Variants in FMN1 observed in about 807,000 individuals in gnomAD.
FMN1 encodes formin 1, also known as formin-1.
In FMN1, 110 loss-of-function variants were observed where a neutral mutation model predicts 132.4. The observed-to-expected ratio is 0.83, with a 90% CI of 0.71 to 0.97. The LOEUF (loss-of-function observed/expected upper bound fraction) is 0.97. Among genes scored for constraint, FMN1 ranks in the 50% least tolerant of loss-of-function variants. The probability of loss-of-function intolerance (pLI) is 0.00; values close to 1 mark genes in which losing one functional copy is unlikely to be tolerated. For synonymous variants in FMN1, 722 were observed against 651.7 expected (o/e 1.11, Z -1.64); for missense variants, 1,792 against 1,705.3 (o/e 1.05, Z -0.90).
chr15:33,021,734 G>C (rs187726139), intron 6 of FMN1, among the ~76,000 whole-genome samples: 31 of 152,250 alleles, frequency 2.0e-4, no homozygotes, highest in South Asian at 6.2e-4. Flanking sequence ...CCAATCCTGG[G>C]ATAACCTGCC....
Position 33,153,894 on chromosome 15 carries a change from G to A in FMN1, c.1021C>T (p.Gln341Ter). The A allele has an allele frequency of 6.5e-7, 1 of 1,536,776 alleles. No individual in the cohort carries two copies. Among genetic ancestry groups the A allele is most frequent in the Non-Finnish European group, 8.7e-7 (1 of 1,147,048 alleles). The change falls in exon 4 of 21, where the codon CAA becomes TAA. Residue 341 changes from glutamine to a stop codon, truncating the protein, a stop_gained. Coordinates refer to ENST00000616417, the MANE Select transcript of FMN1 (RefSeq NM_001277313.2). LOFTEE classifies it high-confidence loss of function. The part of the protein sequence containing the change: ...AKVQDLSSQV[Q>*]RVVKTHSKGK... Reference sequence around the variant, plus strand: ...TTAGAATGCGTTTTAACTACTCTTTGTACCTGGGAGGACAGGTCCTGAACT... The same window carrying A: ...TTAGAATGCGTTTTAACTACTCTTTATACCTGGGAGGACAGGTCCTGAACT...
intron 4 of FMN1, among the ~76,000 whole-genome samples, chr15:33,148,164 C>T (rs1274797428): frequency 6.6e-6 from 1 of 152,184 alleles, no homozygotes; most frequent in Non-Finnish European, 1.5e-5. Flanking sequence ...CATAAACACA[C>T]ATTCTTCTTT....
At chr15:33,111,821 A>AT (rs983923871) in intron 4 of FMN1, among the ~76,000 whole-genome samples, 28 of 152,200 alleles carry the variant, frequency 1.8e-4, no homozygotes, top group Admixed American at 9.2e-4. Flanking sequence ...TTCTGATGGT[A>AT]TGGGGGTTTT....
intron 8 of FMN1, 32 bp from the exon 9 acceptor site, chr15:32,964,289 G>A: frequency 6.7e-7 from 1 of 1,486,548 alleles, no homozygotes; most frequent in Non-Finnish European, 9.1e-7. Context: ...TTAACCATAA[G>A]AACCAAAACA....
In FMN1 at chr15:32,898,909, A is replaced by T; in HGVS notation, c.3655-16T>A. ...TCCCATTATCCTAGGTTTAAAAGAG[A>T]AATGTACATGAAAATCATTCCCATG... is the stretch of plus-strand genomic sequence containing the variant. On this transcript the variant is annotated splice_polypyrimidine_tract_variant and intron_variant, in intron 14 of 20. Coordinates refer to ENST00000616417, the MANE Select transcript of FMN1 (RefSeq NM_001277313.2). 1 of 1,537,060 alleles carries T rather than the reference A, an allele frequency of 6.5e-7. No individual in the cohort carries two copies. Among genetic ancestry groups the T allele is most frequent in the Non-Finnish European group, 9.0e-7 (1 of 1,113,020 alleles).
chr15:32,940,692 C>G (rs966365027), intron 9 of FMN1, among the ~76,000 whole-genome samples: 5 of 151,982 alleles, frequency 3.3e-5, no homozygotes, highest in African/African-American at 1.2e-4. Flanking sequence ...AACAAAAATC[C>G]AGATCTCACT....
chr15:32,804,973 A>G (rs1018646538), intron 17 of FMN1, among the ~76,000 whole-genome samples: 9 of 152,178 alleles, frequency 5.9e-5, no homozygotes, highest in African/African-American at 2.2e-4. Context: ...ATAAATATAC[A>G]TGTGCATATA....
intron 16 of FMN1, among the ~76,000 whole-genome samples, chr15:32,857,397 G>C (rs528380131): frequency 7.0e-4 from 106 of 152,284 alleles, no homozygotes; most frequent in Middle Eastern, 3.4e-3. Flanking sequence ...GATAGGTAAA[G>C]TATTCTGCTT....
At chr15:32,951,319 T>C (rs2061647438) in intron 9 of FMN1, among the ~76,000 whole-genome samples, 1 of 152,174 alleles carries the variant, frequency 6.6e-6, no homozygotes, top group Admixed American at 6.5e-5. Flanking sequence ...ATTTTAAACT[T>C]TTCCTTGCAT....
Position 33,132,390 on chromosome 15 carries a change from C to G in FMN1, c.1867+20658G>C, listed in dbSNP as rs1053813455. Among the ~76,000 whole-genome samples, 6 of 152,158 alleles carry G rather than the reference C, an allele frequency of 3.9e-5. No homozygotes were observed. The East Asian group carries it at 1.2e-3, about 29-fold the overall frequency. On this transcript the variant is annotated intron_variant, in intron 4 of 20. Transcript: ENST00000616417. ...GAATCAGCTAGTCTTTCTCAGAACT[C>G]AGCACGTAGGCTTCAGGCATAAAGA...
intron 14 of FMN1, among the ~76,000 whole-genome samples, chr15:32,899,202 G>C (rs2060233551): frequency 6.6e-6 from 1 of 152,224 alleles, no homozygotes; most frequent in Non-Finnish European, 1.5e-5. Context: ...AAGACAGGAG[G>C]TGCGGGGAAT....
At chr15:32,801,509 G>A (rs2057478304) in intron 18 of FMN1, among the ~76,000 whole-genome samples, 1 of 152,126 alleles carries the variant, frequency 6.6e-6, no homozygotes, top group African/African-American at 2.4e-5. Context: ...GCTCACGCCT[G>A]TAATCCTAGC....
chr15:32,931,149 C>T (rs1163581708), intron 9 of FMN1, among the ~76,000 whole-genome samples: 1 of 152,098 alleles, frequency 6.6e-6, no homozygotes, highest in African/African-American at 2.4e-5. Context: ...TTTGTTCTTT[C>T]TCATGGTGGT....
chr15:33,069,482 T>C (rs2037898629), intron 5 of FMN1, among the ~76,000 whole-genome samples: 1 of 152,168 alleles, frequency 6.6e-6, no homozygotes, highest in Non-Finnish European at 1.5e-5. Context: ...CAAACAGTAA[T>C]TCCTTCTGCA....
chr15:32,949,481 A>G (rs964105767), intron 9 of FMN1, among the ~76,000 whole-genome samples: 71 of 152,058 alleles, frequency 4.7e-4, no homozygotes, highest in African/African-American at 1.6e-3. Flanking sequence ...AAATGGTCCT[A>G]GGATAACTGG....
At chr15:33,108,539 C>G (rs1051632909) in intron 4 of FMN1, among the ~76,000 whole-genome samples, 1 of 151,744 alleles carries the variant, frequency 6.6e-6, no homozygotes, top group African/African-American at 2.4e-5. Flanking sequence ...CAACAAGAGG[C>G]CTGGAGAAAC....
chr15:32,976,983 A>C (rs1470003016), intron 7 of FMN1, among the ~76,000 whole-genome samples: 1 of 152,206 alleles, frequency 6.6e-6, no homozygotes, highest in Non-Finnish European at 1.5e-5. Context: ...CCACAGCTGA[A>C]AAATAGTAAC....
chr15:32,863,445 A>G (rs1596115597), intron 16 of FMN1, among the ~76,000 whole-genome samples: 1 of 152,298 alleles, frequency 6.6e-6, no homozygotes, highest in Non-Finnish European at 1.5e-5. Context: ...AAATAAATAA[A>G]TAAATAAAAT....
rs1409691970 is a variant in FMN1, at chr15:33,073,758, TCTCACTGCGTTACCCAGGCTGAAGTA to T, written c.2044-8710_2044-8685del. Among the ~76,000 whole-genome samples the T allele has an allele frequency of 2.7e-5, 4 of 146,792 alleles. No homozygotes were observed. In the South Asian group the frequency reaches 6.5e-4, roughly 24 times the overall value. ...TTTTTTTTTTTTTTTTGAGACAGGG[TCTCACTGCGTTACCCAGGCTGAAGTA>T]CAGTGGCACAATCACTGCTCAGGCA... On this transcript the variant is annotated intron_variant, in intron 5 of 20. Transcript: ENST00000616417.
Sources: gnomAD v4.1 joint callset for allele counts (sites outside exome capture counted in the v4.1 genomes callset) on GRCh38, gnomAD v4.1.1 for gene constraint, MANE v1.5 for transcripts, NCBI Gene and HGNC (gene_info 2026-07-23, HGNC 2026-07-21) for gene names.